The following KNL1 variants were observed in gnomAD, a reference collection of about 807,000 sequenced individuals.
KNL1 encodes the protein outer kinetochore KNL1 complex subunit KNL1.
A neutral mutation model predicts 201.3 loss-of-function variants in KNL1; 66 were observed. The ratio of observed to expected loss-of-function variants is 0.33; its 90% confidence interval spans 0.27 to 0.40. KNL1 has a LOEUF of 0.40. Among genes scored for constraint, KNL1 ranks in the 10% least tolerant of loss-of-function variants. The pLI is 1.00. For synonymous variants in KNL1, 895 were observed against 899.2 expected, an observed-to-expected ratio of 1.00 and a Z score of 0.08; for missense variants, 2,815 against 2,690.5, an observed-to-expected ratio of 1.05 and a Z score of -1.02.
Position 40,663,999 on chromosome 15 carries a change from A to T in KNL1, c.*1811A>T, listed in dbSNP as rs1256530886. Reference sequence around the variant, plus strand: ...AAGATATAGATGTTCTGTTCCGTAAACTCCTTGAAAAACATTTTAAAGTCA... The same window carrying T: ...AAGATATAGATGTTCTGTTCCGTAATCTCCTTGAAAAACATTTTAAAGTCA... On this transcript the variant is annotated 3_prime_UTR_variant, in exon 26 of 26. Coordinates refer to ENST00000399668, the MANE Select transcript of KNL1 (RefSeq NM_144508.5). 1 of 185,902 alleles carries T rather than the reference A, an allele frequency of 5.4e-6. No homozygotes were observed. The highest frequency in any genetic ancestry group is 1.1e-5 in the Non-Finnish European group (1 of 87,832). The allele number at this position is 185,902 out of a possible 1,614,324, so 11.5% of individuals were successfully genotyped here. A position where few individuals can be genotyped will look rare whatever the true frequency, so the allele number is the denominator to read the frequency against.
intron 8 of KNL1, among the ~76,000 whole-genome samples, chr15:40,616,146 G>A (rs1458675955): frequency 1.6e-5 from 2 of 126,010 alleles, no homozygotes; most frequent in Non-Finnish European, 3.4e-5. Context: ...TTTTTGAGAT[G>A]AATTTTCATT....
chr15:40,638,558 C>T (rs1004114707), intron 13 of KNL1, among the ~76,000 whole-genome samples: 2 of 151,800 alleles, frequency 1.3e-5, no homozygotes, highest in East Asian at 1.9e-4. Flanking sequence ...ATGGTGCGAT[C>T]TCGGCTCACT....
chr15:40,608,762 G>T, intron 4 of KNL1, 85 bp from the exon 5 acceptor site: 4 of 798,916 alleles, frequency 5.0e-6, no homozygotes, highest in East Asian at 2.9e-5. Flanking sequence ...AAAAAAAAAA[G>T]GACTTGATCT....
chr15:40,622,577 C>T lies in KNL1; in HGVS notation c.2313C>T (p.Val771=). The T allele has an allele frequency of 6.2e-7, 1 of 1,611,954 alleles. No individual in the cohort carries two copies. Among genetic ancestry groups the T allele is most frequent in the Non-Finnish European group, 8.5e-7 (1 of 1,179,176 alleles). Residue 771 remains valine, a synonymous_variant, in exon 10 of 26, where the codon GTC becomes GTT. Transcript: ENST00000399668. ...ATCTAACAAAGAGCCACACTGTCGTCATTGGATTTGGTCCTTCTGAACTAC... is the reference window on the plus strand; with the variant it reads ...ATCTAACAAAGAGCCACACTGTCGTTATTGGATTTGGTCCTTCTGAACTAC... ...NMDLTKSHTV[V]IGFGPSELQE... is the part of the protein sequence containing the mutation.
At chr15:40,646,249 C>G (rs1038881451) in intron 16 of KNL1, among the ~76,000 whole-genome samples, 2 of 152,062 alleles carry the variant, frequency 1.3e-5, no homozygotes, top group Non-Finnish European at 2.9e-5. Flanking sequence ...TTTTTAAAGT[C>G]TAAGCATAAA....
intron 9 of KNL1, among the ~76,000 whole-genome samples, chr15:40,620,247 T>G (rs1384267737): frequency 6.6e-6 from 1 of 151,220 alleles, no homozygotes; most frequent in African/African-American, 2.4e-5. Context: ...AGAGTCTTGC[T>G]CTGTTGCCCA....
chr15:40,632,627 G>A (rs1299433019), intron 13 of KNL1, among the ~76,000 whole-genome samples: 1 of 152,020 alleles, frequency 6.6e-6, no homozygotes, highest in Non-Finnish European at 1.5e-5. Flanking sequence ...AAGTGAAAAG[G>A]CAACCCACAG....
At chr15:40,639,660 G>T (rs999265591) in intron 13 of KNL1, among the ~76,000 whole-genome samples, 6 of 151,816 alleles carry the variant, frequency 4.0e-5, no homozygotes, top group Admixed American at 1.3e-4. Context: ...TGTAGTCCCA[G>T]CTAATTGGCA....
chr15:40,621,954 A>T lies in KNL1; in HGVS notation c.1690A>T (p.Thr564Ser). The T allele has an allele frequency of 1.2e-6, 2 of 1,613,938 alleles. No individual in the cohort carries two copies. Among genetic ancestry groups the T allele is most frequent in the African/African-American group, 2.7e-5 (2 of 75,044 alleles). The change falls in exon 10 of 26, where the codon ACT (threonine) becomes TCT (serine). Residue 564 changes from threonine to serine, a missense_variant. Thr to Ser is a moderately conservative substitution (Grantham distance 58, BLOSUM62 1). Around this residue, in one of 3 missense-constraint regions of KNL1, gnomAD observed 2,464 missense variants for 2,291.7 expected, o/e 1.08. Transcript: ENST00000399668. ...GTCTATTTCATTGACTGATAGAAAGACTGAACTCTTATCAGGTGAAAATAT... is the reference window on the plus strand; with the variant it reads ...GTCTATTTCATTGACTGATAGAAAGTCTGAACTCTTATCAGGTGAAAATAT... ...PLSISLTDRK[T>S]ELLSGENMDL...
At chr15:40,651,395 C>G in intron 19 of KNL1, 76 bp from the exon 20 acceptor site, 3 of 907,692 alleles carry the variant, frequency 3.3e-6, no homozygotes, top group Non-Finnish European at 4.9e-6. Context: ...GACTTCTTAT[C>G]ATAAACCTTT....
rs1892711209 is a variant in KNL1 at position 40,625,369 on chromosome 15, A to G, written c.5105A>G (p.Lys1702Arg). 1 of 1,614,066 alleles carries G rather than the reference A, an allele frequency of 6.2e-7. No individual in the cohort carries two copies. Among genetic ancestry groups the G allele is most frequent in the East Asian group, 2.2e-5 (1 of 44,876 alleles). Reference protein sequence around the residue: ...KDSGIGSVAGKLNLSPSQYIN... With the variant: ...KDSGIGSVAGRLNLSPSQYIN... ...TCAGGCATTGGATCTGTTGCAGGTA[A>G]ACTGAACCTAAGTCCTTCTCAATAT... The change falls in exon 10 of 26, where the codon AAA becomes AGA. Residue 1702 changes from lysine (K) to arginine (R), a missense_variant. By Grantham distance (26) the Lys-to-Arg change is conservative (BLOSUM62 2). Coordinates refer to ENST00000399668, the MANE Select transcript of KNL1 (RefSeq NM_144508.5).
chr15:40,643,898 A>G (rs958485442), intron 14 of KNL1, among the ~76,000 whole-genome samples: 2 of 152,198 alleles, frequency 1.3e-5, no homozygotes, highest in East Asian at 1.9e-4. Context: ...GTTAAATTAA[A>G]CATGATTGTA....
Position 40,651,624 on chromosome 15 carries a change from T to G in KNL1, c.6314+52T>G, listed in dbSNP as rs747192594. 3 of 1,279,232 alleles carry G rather than the reference T, an allele frequency of 2.3e-6. No individual in the cohort carries two copies. In the African/African-American group the frequency reaches 4.5e-5, roughly 19 times the overall value. 79.2% of individuals were successfully genotyped at this position (1,279,232 alleles called of 1,614,324 possible). A position where few individuals can be genotyped will look rare whatever the true frequency, so the allele number is the denominator to read the frequency against. On this transcript the variant is annotated intron_variant, in intron 20 of 25. Coordinates refer to ENST00000399668, the MANE Select transcript of KNL1 (RefSeq NM_144508.5). ...TGTGTTTTATTCTGTACCTTGTGGTTGTTTAAACCGATTGGAGCAATTGAT... is the reference window on the plus strand; with the variant it reads ...TGTGTTTTATTCTGTACCTTGTGGTGGTTTAAACCGATTGGAGCAATTGAT...
At chr15:40,650,731 A>G in intron 19 of KNL1, 148 bp downstream of exon 19, 1 of 622,820 alleles carries the variant, frequency 1.6e-6, no homozygotes, top group Non-Finnish European at 2.6e-6. Flanking sequence ...GGAAACCTAG[A>G]GTCCATCTTA....
At chr15:40,610,746 G>A (rs1892127849) in intron 6 of KNL1, 1 of 455,346 alleles carries the variant, frequency 2.2e-6, no homozygotes, top group Non-Finnish European at 4.4e-6. Context: ...TGGATAGTAA[G>A]TAAATTTATT....
In KNL1 at chr15:40,624,371, A is replaced by C; in HGVS notation, c.4107A>C (p.Glu1369Asp). Reference sequence around the variant, plus strand: ...CTTGTCCTTTGTTAGAGAAGGAAGAAGTTATTCAAACCAGTACCAAAGGAC... The same window carrying C: ...CTTGTCCTTTGTTAGAGAAGGAAGACGTTATTCAAACCAGTACCAAAGGAC... ...SAPCPLLEKEEVIQTSTKGQL... is the reference protein window; with the variant it reads ...SAPCPLLEKEDVIQTSTKGQL... Residue 1369 changes from glutamate to aspartate, a missense_variant, in exon 10 of 26, where the codon GAA (glutamate) becomes GAC (aspartate). By Grantham distance (45) the Glu-to-Asp change is conservative. Transcript: ENST00000399668. 6.2e-7 allele frequency: 1 copy of C among 1,613,962 alleles called. No homozygotes were observed. The highest frequency in any genetic ancestry group is 1.7e-4 in the Middle Eastern group (1 of 6,060).
chr15:40,637,584 A>G (rs1216017996), intron 13 of KNL1, among the ~76,000 whole-genome samples: 1 of 152,178 alleles, frequency 6.6e-6, no homozygotes, highest in African/African-American at 2.4e-5. Flanking sequence ...AAAATTTCAC[A>G]CCTGACCTCA....
At chr15:40,607,729 A>G (rs1303941425) in intron 4 of KNL1, among the ~76,000 whole-genome samples, 2 of 152,166 alleles carry the variant, frequency 1.3e-5, no homozygotes, top group African/African-American at 4.8e-5. Flanking sequence ...CATTAGGGAA[A>G]TGTAAATCAA....
intron 25 of KNL1, among the ~76,000 whole-genome samples, chr15:40,660,880 T>C (rs1316568354): frequency 1.3e-5 from 2 of 151,950 alleles, no homozygotes; most frequent in East Asian, 1.9e-4. Context: ...GGAGGATTGC[T>C]TGAGCCTGGG....
Sources: allele counts gnomAD v4.1 joint callset (sites outside exome capture counted in the v4.1 genomes callset), GRCh38; gene constraint gnomAD v4.1.1; regional missense constraint gnomAD v4.1.1; transcripts MANE v1.5; gene names NCBI Gene and HGNC (gene_info 2026-07-23, HGNC 2026-07-21).